Variants in NARS2 observed in about 807,000 individuals in gnomAD.
The protein encoded by NARS2 is asparaginyl-tRNA synthetase 2, mitochondrial, also known as asparaginyl-tRNA synthetase.
A neutral mutation model predicts 62.9 loss-of-function variants in NARS2; 60 were observed. The observed-to-expected ratio is 0.95, with a 90% CI of 0.77 to 1.18. NARS2 has a LOEUF of 1.18. Ranked by LOEUF, NARS2 falls within the 50% of genes most tolerant of loss-of-function variation. The pLI is 0.00. For synonymous variants in NARS2, 196 were observed against 200.0 expected (o/e 0.98, Z 0.17); for missense variants, 619 against 576.4 (o/e 1.07, Z -0.76).
chr11:78,521,372 T>C (rs1431200517), intron 6 of NARS2, among the ~76,000 whole-genome samples: 1 of 152,032 alleles, frequency 6.6e-6, no homozygotes, highest in Non-Finnish European at 1.5e-5. Flanking sequence ...TAGGTCCCAC[T>C]ATGTTGCCTA....
chr11:78,495,136 G>A (rs1860004981), intron 6 of NARS2, among the ~76,000 whole-genome samples: 2 of 152,072 alleles, frequency 1.3e-5, no homozygotes, highest in African/African-American at 2.4e-5. Context: ...GATTATGTCA[G>A]CCCTAATTTT....
At chr11:78,565,501 G>C (rs757589423) in intron 4 of NARS2, among the ~76,000 whole-genome samples, 20 of 152,252 alleles carry the variant, frequency 1.3e-4, no homozygotes, top group Admixed American at 5.9e-4. Flanking sequence ...CAGGGAAGGG[G>C]AAAAAGTAAG....
At chr11:78,459,034 C>A (rs1050615715) in intron 11 of NARS2, among the ~76,000 whole-genome samples, 2 of 151,950 alleles carry the variant, frequency 1.3e-5, no homozygotes, top group Non-Finnish European at 2.9e-5. Flanking sequence ...TCTCCTGTCT[C>A]AGCCTCCCGA....
At chr11:78,443,539 C>G in intron 12 of NARS2, 122 bp downstream of exon 12, 1 of 545,596 alleles carries the variant, frequency 1.8e-6, no homozygotes, top group Non-Finnish European at 3.3e-6. Context: ...CATAGAGAAT[C>G]TGAGATCCAG....
At chr11:78,490,539 G>T (rs1318717428) in intron 7 of NARS2, among the ~76,000 whole-genome samples, 1 of 152,140 alleles carries the variant, frequency 6.6e-6, no homozygotes, top group Middle Eastern at 3.2e-3. Flanking sequence ...AAATGAGGCT[G>T]GGCATGCTGG....
intron 5 of NARS2, among the ~76,000 whole-genome samples, chr11:78,538,078 T>C (rs1855436671): frequency 6.6e-6 from 1 of 152,172 alleles, no homozygotes; most frequent in Non-Finnish European, 1.5e-5. Flanking sequence ...ACATGAATCA[T>C]TCCTTTGTCT....
chr11:78,561,984 G>A (rs759803780), intron 4 of NARS2, among the ~76,000 whole-genome samples: 17 of 151,992 alleles, frequency 1.1e-4, no homozygotes, highest in East Asian at 3.9e-4. Flanking sequence ...GCAGTGAGCC[G>A]AGATCACGCC....
intron 4 of NARS2, among the ~76,000 whole-genome samples, chr11:78,563,871 T>C (rs372006732): frequency 0.64 from 47,080 of 74,124 alleles, 16,637 homozygotes; most frequent in Non-Finnish European, 0.74. Flanking sequence ...TATATATATG[T>C]ATACACACAC....
At chr11:78,472,788 T>C (rs1858930378) in intron 9 of NARS2, among the ~76,000 whole-genome samples, 1 of 152,202 alleles carries the variant, frequency 6.6e-6, no homozygotes, top group Non-Finnish European at 1.5e-5. Context: ...TAGATTCAGC[T>C]ACACCAGTAT....
chr11:78,537,707 A>G (rs1414752086), intron 5 of NARS2, among the ~76,000 whole-genome samples: 1 of 152,184 alleles, frequency 6.6e-6, no homozygotes, highest in African/African-American at 2.4e-5. Flanking sequence ...AGGCTGAGGA[A>G]GGATTGCTTG....
intron 9 of NARS2, among the ~76,000 whole-genome samples, chr11:78,470,505 CTCTT>C (rs1858824287): frequency 6.6e-6 from 1 of 152,076 alleles, no homozygotes; most frequent in Non-Finnish European, 1.5e-5. Flanking sequence ...AACATACACA[CTCTT>C]TCACACCTAA....
At chr11:78,475,563 C>T (rs1427054066) in intron 9 of NARS2, among the ~76,000 whole-genome samples, 1 of 146,762 alleles carries the variant, frequency 6.8e-6, no homozygotes, top group African/African-American at 2.5e-5. Flanking sequence ...TCTTTGCCAA[C>T]ACCTGTTATC....
intron 7 of NARS2, among the ~76,000 whole-genome samples, chr11:78,492,000 C>T (rs1859839038): frequency 6.6e-6 from 1 of 151,602 alleles, no homozygotes; most frequent in Non-Finnish European, 1.5e-5. Context: ...AAGATAGTAA[C>T]CACAATGCTT....
chr11:78,561,607 A>G (rs1856557267), intron 4 of NARS2, among the ~76,000 whole-genome samples: 1 of 152,206 alleles, frequency 6.6e-6, no homozygotes, highest in African/African-American at 2.4e-5. Context: ...CGGCCCATAC[A>G]CATCAGTAAG....
At chr11:78,557,836 C>A (rs991904809) in intron 5 of NARS2, among the ~76,000 whole-genome samples, 32 of 147,786 alleles carry the variant, frequency 2.2e-4, no homozygotes, top group African/African-American at 7.6e-4. Flanking sequence ...ATATATCTCT[C>A]TTATATTTTA....
At chr11:78,496,885 A>C (rs1398447950) in intron 6 of NARS2, among the ~76,000 whole-genome samples, 1 of 152,096 alleles carries the variant, frequency 6.6e-6, no homozygotes, top group African/African-American at 2.4e-5. Context: ...ATGTGGAATC[A>C]CTTCTATTTT....
intron 6 of NARS2, among the ~76,000 whole-genome samples, chr11:78,514,896 T>C (rs1860846753): frequency 6.6e-6 from 1 of 152,096 alleles, no homozygotes; most frequent in African/African-American, 2.4e-5. Flanking sequence ...TTCAAGCTAG[T>C]AAAAATGAAG....
At chr11:78,568,774 T>C (rs1472786387) in intron 2 of NARS2, 22 bp from the exon 3 acceptor site, 6 of 1,548,326 alleles carry the variant, frequency 3.9e-6, no homozygotes, top group African/African-American at 1.4e-5. Flanking sequence ...AAAAACAAGA[T>C]AAACAAGATA....
In NARS2 at chr11:78,443,249, C is replaced by A. The variant is rs1404750400; in HGVS notation, c.1262+412G>T. On this transcript the variant is annotated intron_variant, in intron 12 of 13. Transcript: ENST00000281038. Reference sequence around the variant, plus strand: ...GCTGAGGCAGGAGAATGGCGTGAACCCCGGGAGGCAGAGCTTGCAGTGAGC... The same window carrying A: ...GCTGAGGCAGGAGAATGGCGTGAACACCGGGAGGCAGAGCTTGCAGTGAGC... Among the ~76,000 whole-genome samples, 15 of 151,280 alleles carry A rather than the reference C, an allele frequency of 9.9e-5. No homozygotes were observed. The South Asian group carries it at 1.9e-3, about 19-fold the overall frequency.
Sources: allele counts gnomAD v4.1 joint callset (sites outside exome capture counted in the v4.1 genomes callset), GRCh38; gene constraint gnomAD v4.1.1; transcripts MANE v1.5; gene names NCBI Gene and HGNC (gene_info 2026-07-23, HGNC 2026-07-21).